PARP11: variants seen among roughly 807,000 people sequenced by gnomAD.
PARP11 encodes the protein protein mono-ADP-ribosyltransferase PARP11.
PARP11 carries 31 observed loss-of-function variants against 42.9 expected under a neutral mutation model. That is an observed-to-expected ratio of 0.72 (90% CI 0.54 to 0.98). The LOEUF is 0.98. Among genes scored for constraint, PARP11 ranks in the 50% least tolerant of loss-of-function variants. The pLI is 0.00. For missense variants in PARP11, 365 were observed against 413.1 expected (o/e 0.88, Z 1.01); for synonymous variants, 137 against 127.3 (o/e 1.08, Z -0.51).
intron 1 of PARP11, among the ~76,000 whole-genome samples, chr12:3,851,076 G>T (rs1232246150): frequency 6.6e-6 from 1 of 152,140 alleles, no homozygotes; most frequent in Non-Finnish European, 1.5e-5. Context: ...AAATTGAAAA[G>T]AATACTGAAT....
rs754513051 is a variant in PARP11 at position 3,829,002 on chromosome 12, C to T, written c.176G>A (p.Ser59Asn). Residue 59 changes from serine to asparagine, a missense_variant, in exon 3 of 8, where the codon AGC (serine) becomes AAC (asparagine). By Grantham distance (46) the Ser-to-Asn change is conservative. Transcript: ENST00000228820. ...GAAGCTTTTTTCGATATCTTCACTG[C>T]TAACTGAACACTGACTGTTGGTATC... ...QPDTNSQCSV[S>N]SEDIEKSFKT... The T allele has an allele frequency of 6.2e-7, 1 of 1,614,038 alleles. No individual in the cohort carries two copies. Among genetic ancestry groups the T allele is most frequent in the Non-Finnish European group, 8.5e-7 (1 of 1,179,944 alleles).
chr12:3,816,455 T>A (rs951885127), intron 6 of PARP11, among the ~76,000 whole-genome samples: 2 of 152,206 alleles, frequency 1.3e-5, no homozygotes, highest in African/African-American at 4.8e-5. Flanking sequence ...CTCTTTGAAA[T>A]ACCCACCAGC....
At chr12:3,846,363 T>TA (rs1426610655) in intron 1 of PARP11, among the ~76,000 whole-genome samples, 6 of 151,950 alleles carry the variant, frequency 3.9e-5, no homozygotes, top group Admixed American at 2.0e-4. Flanking sequence ...AAAGAATTAT[T>TA]AGAGACTATT....
rs1365215969 is a variant in PARP11 at position 3,862,019 on chromosome 12, C to T, written c.18+11193G>A. The stretch of plus-strand genomic sequence containing the variant: ...CAACCTGGTTGATGGAGCGAGACTC[C>T]GTACCTAACCAATGCTGGCAGAAAC... On this transcript the variant is annotated intron_variant, in intron 1 of 7. Coordinates refer to ENST00000228820, the MANE Select transcript of PARP11 (RefSeq NM_020367.6). Among the ~76,000 whole-genome samples the T allele has an allele frequency of 2.0e-5, 3 of 151,974 alleles. No homozygotes were observed. In the East Asian group the frequency reaches 5.8e-4, roughly 29 times the overall value.
intron 1 of PARP11, among the ~76,000 whole-genome samples, chr12:3,867,156 T>C (rs889789763): frequency 1.3e-5 from 2 of 152,198 alleles, no homozygotes; most frequent in Non-Finnish European, 2.9e-5. Context: ...GCATGAAGTA[T>C]ACAAATAGCA....
Position 3,821,924 on chromosome 12 carries a change from A to G in PARP11, c.497T>C (p.Ile166Thr). 1 of 1,610,910 alleles carries G rather than the reference A, an allele frequency of 6.2e-7. No homozygotes were observed. The highest frequency in any genetic ancestry group is 8.5e-7 in the Non-Finnish European group (1 of 1,179,310). Reference sequence around the variant, plus strand: ...GTTTTGAATTCTCTGAATTCTTTTAATTCGGTTGCGATCCATCGTCTTCCC... The same window carrying G: ...GTTTTGAATTCTCTGAATTCTTTTAGTTCGGTTGCGATCCATCGTCTTCCC... The part of the protein sequence containing the change: ...LFGKTMDRNR[I>T]KRIQRIQNLD... The change falls in exon 6 of 8, where the codon ATT becomes ACT. Residue 166 changes from isoleucine to threonine, a missense_variant. Transcript: ENST00000228820.
chr12:3,849,535 G>A (rs534704611), intron 1 of PARP11, among the ~76,000 whole-genome samples: 1 of 152,290 alleles, frequency 6.6e-6, no homozygotes, highest in Admixed American at 6.5e-5. Flanking sequence ...GTTATGTCAA[G>A]TAAAATAAGC....
intron 1 of PARP11, among the ~76,000 whole-genome samples, chr12:3,866,046 C>T (rs1014081927): frequency 6.6e-5 from 10 of 151,994 alleles, no homozygotes; most frequent in Non-Finnish European, 1.5e-4. Context: ...TCTATGCTAA[C>T]ACCCACTCCA....
chr12:3,830,123 T>G, intron 1 of PARP11, 105 bp from the exon 2 acceptor site: 6 of 1,002,950 alleles, frequency 6.0e-6, no homozygotes, highest in Non-Finnish European at 8.9e-6. Context: ...TCAAGTGTCT[T>G]TCCTCCCATG....
chr12:3,846,546 G>T (rs1948001108), intron 1 of PARP11, among the ~76,000 whole-genome samples: 1 of 151,040 alleles, frequency 6.6e-6, no homozygotes, highest in South Asian at 2.1e-4. Context: ...CGTGAGGTCA[G>T]GAGATCGAGA....
rs1268150426 is a variant in PARP11, at chr12:3,812,216, A to G, written c.924T>C (p.Tyr308=). 1 of 1,614,212 alleles carries G rather than the reference A, an allele frequency of 6.2e-7. No individual in the cohort carries two copies. The highest frequency in any genetic ancestry group is 8.5e-7 in the Non-Finnish European group (1 of 1,180,030). ...TCCAGGTATCATCCACACAGCTGTC[A>G]TATAAATTCACATAGCTCCCGTCTT... is the stretch of plus-strand genomic sequence containing the variant. ...PSKDGSYVNL[Y]DSCVDDTWNP... is the part of the protein sequence containing the mutation. The change falls in exon 8 of 8, where the codon TAT becomes TAC. Residue 308 remains tyrosine, a synonymous_variant. Coordinates refer to ENST00000228820, the MANE Select transcript of PARP11 (RefSeq NM_020367.6).
chr12:3,820,491 C>T (rs1213415213), intron 6 of PARP11, among the ~76,000 whole-genome samples: 3 of 152,130 alleles, frequency 2.0e-5, no homozygotes, highest in East Asian at 3.9e-4. Flanking sequence ...CCGTGAAGGG[C>T]ATCACCAGAG....
intron 1 of PARP11, among the ~76,000 whole-genome samples, chr12:3,856,607 A>G (rs1948195187): frequency 6.6e-6 from 1 of 152,250 alleles, no homozygotes; most frequent in African/African-American, 2.4e-5. Flanking sequence ...CAATCATTAA[A>G]AAGTCAGGAA....
At chr12:3,819,102 T>C (rs184647568) in intron 6 of PARP11, among the ~76,000 whole-genome samples, 69 of 152,304 alleles carry the variant, frequency 4.5e-4, no homozygotes, top group African/African-American at 1.6e-3. Flanking sequence ...CTTTCCATCA[T>C]CCCTAAAGAT....
rs1411166884 is a variant in PARP11, at chr12:3,854,012, GAACAATCTGCTCCTAAATGACTACT to G, written c.18+19175_18+19199del. ...AAAACCACACAACTGCATGGAAACT[GAACAATCTGCTCCTAAATGACTACT>G]AGGTAAATAACTAAATGAAGGTAGA... On this transcript the variant is annotated intron_variant, in intron 1 of 7. Transcript: ENST00000228820. Among the ~76,000 whole-genome samples, 3 of 152,194 alleles carry G rather than the reference GAACAATCTGCTCCTAAATGACTACT, an allele frequency of 2.0e-5. No homozygotes were observed. The East Asian group carries it at 5.8e-4, about 29-fold the overall frequency.
intron 4 of PARP11, among the ~76,000 whole-genome samples, chr12:3,825,679 TG>T (rs1447286523): frequency 6.6e-5 from 10 of 152,192 alleles, no homozygotes; most frequent in African/African-American, 2.4e-4. Context: ...TAAATAATAA[TG>T]TTGCTATTTT....
chr12:3,855,829 G>A (rs1191085053), intron 1 of PARP11, among the ~76,000 whole-genome samples: 1 of 152,096 alleles, frequency 6.6e-6, no homozygotes, highest in Non-Finnish European at 1.5e-5. Context: ...ACAATCCTAA[G>A]CAAAAAGGAA....
At chr12:3,846,471 C>G (rs1378029038) in intron 1 of PARP11, among the ~76,000 whole-genome samples, 1 of 152,052 alleles carries the variant, frequency 6.6e-6, no homozygotes, top group African/African-American at 2.4e-5. Context: ...AAATAGAAAA[C>G]TTGGATTGGG....
In PARP11 at chr12:3,829,066, G is replaced by A. The variant is rs776784718; in HGVS notation, c.148-36C>T. 1.9e-6 allele frequency: 3 copies of A among 1,611,564 alleles called. No individual in the cohort carries two copies. The Admixed American group carries it at 5.0e-5, about 27-fold the overall frequency. On this transcript the variant is annotated intron_variant, in intron 2 of 7. Transcript: ENST00000228820. ...AACCAGAAAGTTTCATTTACCAGCT[G>A]TTCACATTAATGACTTGGCCACAGA...
Sources: allele counts gnomAD v4.1 joint callset (sites outside exome capture counted in the v4.1 genomes callset), GRCh38; gene constraint gnomAD v4.1.1; transcripts MANE v1.5; gene names NCBI Gene and HGNC (gene_info 2026-07-23, HGNC 2026-07-21).